HCN1: variants seen among roughly 807,000 people sequenced by gnomAD.
HCN1 encodes potassium/sodium hyperpolarization-activated cyclic nucleotide-gated channel 1.
In HCN1, 13 loss-of-function variants were observed where a neutral mutation model predicts 78.9. The observed-to-expected ratio is 0.16, with a 90% CI of 0.11 to 0.26. The LOEUF (loss-of-function observed/expected upper bound fraction) is 0.26, where lower values mean the gene tolerates loss of function less well. Among genes scored for constraint, HCN1 ranks in the 10% least tolerant of loss-of-function variants. The pLI is 1.00. For synonymous variants in HCN1, 552 were observed against 455.5 expected, an observed-to-expected ratio of 1.21 and a Z score of -2.70; for missense variants, 810 against 1,154.3, an observed-to-expected ratio of 0.70 and a Z score of 4.32.
intron 5 of HCN1, among the ~76,000 whole-genome samples, chr5:45,326,898 G>A (rs1215786360): frequency 6.6e-6 from 1 of 151,516 alleles, no homozygotes; most frequent in East Asian, 1.9e-4. Flanking sequence ...GTTCTGTTAA[G>A]GTACCATGCA....
intron 3 of HCN1, among the ~76,000 whole-genome samples, chr5:45,430,641 G>A (rs1740443742): frequency 6.6e-6 from 1 of 152,026 alleles, no homozygotes; most frequent in African/African-American, 2.4e-5. Flanking sequence ...TGGATGTGTA[G>A]TATCCCATGG....
At chr5:45,374,688 C>T (rs944028982) in intron 4 of HCN1, among the ~76,000 whole-genome samples, 1 of 148,610 alleles carries the variant, frequency 6.7e-6, no homozygotes, top group Non-Finnish European at 1.5e-5. Flanking sequence ...GCAGAGACAA[C>T]AAAAAAAGAA....
chr5:45,285,572 G>A (rs570367125), intron 6 of HCN1, among the ~76,000 whole-genome samples: 54 of 151,852 alleles, frequency 3.6e-4, no homozygotes, highest in African/African-American at 1.3e-3. Flanking sequence ...GTTATTAAAG[G>A]TATTTATATT....
intron 2 of HCN1, among the ~76,000 whole-genome samples, chr5:45,582,154 C>T (rs1744093423): frequency 6.6e-6 from 1 of 152,150 alleles, no homozygotes; most frequent in African/African-American, 2.4e-5. Flanking sequence ...TACCCATGAG[C>T]ATGGAATGTT....
intron 5 of HCN1, among the ~76,000 whole-genome samples, chr5:45,336,293 T>C (rs1362860200): frequency 6.6e-6 from 1 of 152,030 alleles, no homozygotes; most frequent in Non-Finnish European, 1.5e-5. Flanking sequence ...CACACAGTAA[T>C]AGTTTTAATT....
At chr5:45,659,032 C>T (rs1745857030) in intron 1 of HCN1, among the ~76,000 whole-genome samples, 1 of 151,658 alleles carries the variant, frequency 6.6e-6, no homozygotes. Flanking sequence ...CAGCAGTAAC[C>T]TCTGCAGACT....
chr5:45,531,949 A>T (rs536425407), intron 2 of HCN1, among the ~76,000 whole-genome samples: 98 of 152,248 alleles, frequency 6.4e-4, no homozygotes, highest in Admixed American at 1.0e-3. Flanking sequence ...CTGAGGCAGG[A>T]GAATTGCTTG....
intron 4 of HCN1, among the ~76,000 whole-genome samples, chr5:45,375,284 A>G (rs2112016807): frequency 8.3e-6 from 1 of 121,180 alleles, no homozygotes; most frequent in Admixed American, 1.0e-4. Context: ...AATATATTAT[A>G]CATAATATAT....
At chr5:45,285,865 A>G (rs1745258910) in intron 6 of HCN1, among the ~76,000 whole-genome samples, 1 of 152,028 alleles carries the variant, frequency 6.6e-6, no homozygotes, top group African/African-American at 2.4e-5. Context: ...AGAATGACCC[A>G]GGATTTGTTC....
chr5:45,605,329 A>T (rs1026621310), intron 2 of HCN1, among the ~76,000 whole-genome samples: 1 of 151,992 alleles, frequency 6.6e-6, no homozygotes, highest in Admixed American at 6.6e-5. Context: ...CTTATTCTCC[A>T]AAAAGAATTG....
chr5:45,691,139 T>G (rs1580052659), intron 1 of HCN1, among the ~76,000 whole-genome samples: 2 of 152,200 alleles, frequency 1.3e-5, no homozygotes, highest in Admixed American at 1.3e-4. Flanking sequence ...GAATATAATT[T>G]TCTTAAATGA....
At chr5:45,339,473 T>C (rs1746530741) in intron 5 of HCN1, among the ~76,000 whole-genome samples, 1 of 152,112 alleles carries the variant, frequency 6.6e-6, no homozygotes, top group African/African-American at 2.4e-5. Flanking sequence ...AATAATACTC[T>C]ATAGATGAAG....
intron 5 of HCN1, among the ~76,000 whole-genome samples, chr5:45,321,676 C>T (rs375395685): frequency 7.3e-5 from 11 of 150,724 alleles, no homozygotes; most frequent in African/African-American, 2.7e-4. Flanking sequence ...TTTAAACCAG[C>T]TTGAATGCCA....
chr5:45,499,455 G>A (rs1035287866), intron 2 of HCN1, among the ~76,000 whole-genome samples: 15 of 152,250 alleles, frequency 9.9e-5, no homozygotes, highest in African/African-American at 2.6e-4. Flanking sequence ...GCTCGTGCAC[G>A]GTGCGTGGAC....
intron 5 of HCN1, among the ~76,000 whole-genome samples, chr5:45,341,449 A>C (rs1377168198): frequency 6.6e-6 from 1 of 152,216 alleles, no homozygotes. Context: ...TTTCAATGGA[A>C]GTTTTAAACA....
intron 2 of HCN1, among the ~76,000 whole-genome samples, chr5:45,498,465 G>T (rs1049081667): frequency 2.0e-5 from 3 of 152,016 alleles, no homozygotes; most frequent in Non-Finnish European, 4.4e-5. Context: ...CTCTGTATTG[G>T]TTATTCTAGT....
At chr5:45,617,396 T>C (rs1392104442) in intron 2 of HCN1, 1 of 152,090 alleles carries the variant, frequency 6.6e-6, no homozygotes, top group African/African-American at 2.4e-5. Flanking sequence ...GGACTCAAGT[T>C]CCTTCCATCT....
At chr5:45,293,694 T>G (rs1266324662) in intron 6 of HCN1, among the ~76,000 whole-genome samples, 1 of 152,000 alleles carries the variant, frequency 6.6e-6, no homozygotes, top group Non-Finnish European at 1.5e-5. Flanking sequence ...CATCCTAATT[T>G]TCCTAAGTAT....
chr5:45,628,480 T>A (rs1289810583), intron 2 of HCN1, among the ~76,000 whole-genome samples: 1 of 152,208 alleles, frequency 6.6e-6, no homozygotes, highest in African/African-American at 2.4e-5. Flanking sequence ...CTTTTCTGAA[T>A]CTTTGTAAAA....
Sources: allele counts gnomAD v4.1 joint callset (sites outside exome capture counted in the v4.1 genomes callset), GRCh38; gene constraint gnomAD v4.1.1; transcripts MANE v1.5; gene names NCBI Gene and HGNC (gene_info 2026-07-23, HGNC 2026-07-21).